PPP2R2B: variants seen among roughly 807,000 people sequenced by gnomAD.
PPP2R2B encodes protein phosphatase 2 regulatory subunit Bbeta, also known as serine/threonine-protein phosphatase 2A 55 kDa regulatory subunit B beta isoform.
In PPP2R2B, 5 loss-of-function variants were observed where a neutral mutation model predicts 46.0. The ratio of observed to expected loss-of-function variants is 0.11; its 90% CI spans 0.06 to 0.23. The LOEUF is 0.23. PPP2R2B is among the 10% of genes least tolerant of loss of function. PPP2R2B has a pLI of 1.00. For synonymous variants in PPP2R2B, 215 were observed against 206.7 expected (o/e 1.04, Z -0.34); for missense variants, 367 against 575.0 (o/e 0.64, Z 3.70).
At chr5:146,904,125 C>T (rs1273649856) in intron 1 of PPP2R2B, among the ~76,000 whole-genome samples, 1 of 152,126 alleles carries the variant, frequency 6.6e-6, no homozygotes, top group African/African-American at 2.4e-5. Context: ...CACTCTCTCT[C>T]TCACTCCTAT....
chr5:146,722,447 G>A (rs950832297), intron 2 of PPP2R2B, among the ~76,000 whole-genome samples: 2 of 152,150 alleles, frequency 1.3e-5, no homozygotes, highest in African/African-American at 4.8e-5. Context: ...TGAGTGTTGA[G>A]AACTCAATAG....
intron 1 of PPP2R2B, among the ~76,000 whole-genome samples, chr5:146,986,183 G>A (rs550120653): frequency 6.6e-6 from 1 of 152,304 alleles, no homozygotes; most frequent in South Asian, 2.1e-4. Flanking sequence ...GGGCAGTACA[G>A]CACAGTGCAG....
intron 1 of PPP2R2B, among the ~76,000 whole-genome samples, chr5:146,937,686 C>G (rs149247090): frequency 6.6e-6 from 1 of 152,018 alleles, no homozygotes; most frequent in Admixed American, 6.6e-5. Context: ...TACACCTTCA[C>G]GGAGGCTTAG....
chr5:147,057,491 C>G (rs564050594), upstream of PPP2R2B, among the ~76,000 whole-genome samples: 10 of 152,166 alleles, frequency 6.6e-5, no homozygotes, highest in Non-Finnish European at 1.3e-4. Context: ...CTGACCCTGA[C>G]AGTTTGTATC....
intron 1 of PPP2R2B, among the ~76,000 whole-genome samples, chr5:146,916,919 T>C (rs1314043377): frequency 3.3e-5 from 5 of 152,158 alleles, no homozygotes; most frequent in African/African-American, 4.8e-5. Flanking sequence ...AACATCTTAA[T>C]CATGAATTTG....
intron 1 of PPP2R2B, among the ~76,000 whole-genome samples, chr5:147,049,603 C>T (rs1158359973): frequency 1.3e-5 from 2 of 152,104 alleles, no homozygotes; most frequent in African/African-American, 2.4e-5. Context: ...TCAATATTTA[C>T]AGTTTAGGAA....
chr5:146,680,135 G>T (rs1778048178), intron 5 of PPP2R2B, among the ~76,000 whole-genome samples: 2 of 151,342 alleles, frequency 1.3e-5, no homozygotes, highest in East Asian at 3.9e-4. Flanking sequence ...GCAAAGACTT[G>T]GAACCAACCC....
chr5:146,591,959 A>G (rs770640768), intron 9 of PPP2R2B: 13 of 266,674 alleles, frequency 4.9e-5, no homozygotes, highest in Non-Finnish European at 9.3e-5. Flanking sequence ...GTGCCTAATA[A>G]GTGTAATTTT....
intron 2 of PPP2R2B, 134 bp downstream of exon 2, chr5:146,877,868 G>T: frequency 9.4e-7 from 1 of 1,062,950 alleles, no homozygotes; most frequent in Non-Finnish European, 1.3e-6. Context: ...GGGCTGCCGG[G>T]GCCAGCCGAG....
intron 1 of PPP2R2B, among the ~76,000 whole-genome samples, chr5:146,909,902 C>T (rs1419570301): frequency 6.6e-6 from 1 of 152,216 alleles, no homozygotes; most frequent in Non-Finnish European, 1.5e-5. Flanking sequence ...AAGGACTACC[C>T]CTATGGCTAA....
chr5:146,777,100 T>C (rs943372681), intron 2 of PPP2R2B, among the ~76,000 whole-genome samples: 1 of 152,096 alleles, frequency 6.6e-6, no homozygotes, highest in African/African-American at 2.4e-5. Flanking sequence ...AGTTAGGATA[T>C]GGCCCAGCAA....
At chr5:147,048,871 T>A (rs531938202) in intron 1 of PPP2R2B, among the ~76,000 whole-genome samples, 1 of 152,304 alleles carries the variant, frequency 6.6e-6, no homozygotes, top group African/African-American at 2.4e-5. Context: ...TGGGAGAAAC[T>A]GTTCTGCCTA....
At chr5:146,707,361 G>A (rs1449738667) in intron 2 of PPP2R2B, 9 of 825,788 alleles carry the variant, frequency 1.1e-5, no homozygotes, top group Non-Finnish European at 1.9e-5. Context: ...ACACAGCATG[G>A]ATGTTGGGGT....
intron 1 of PPP2R2B, among the ~76,000 whole-genome samples, chr5:146,911,697 C>A (rs760213763): frequency 7.9e-5 from 12 of 152,160 alleles, no homozygotes; most frequent in Non-Finnish European, 1.6e-4. Context: ...CATAGTGAAC[C>A]CAAATACCTC....
chr5:146,589,598 A>G lies in PPP2R2B; in HGVS notation c.*349T>C, dbSNP rs1770395324. 1 of 198,064 alleles carries G rather than the reference A, an allele frequency of 5.0e-6. No homozygotes were observed. Among genetic ancestry groups the G allele is most frequent in the African/African-American group, 2.3e-5 (1 of 43,074 alleles). The allele number at this position is 198,064 out of a possible 1,614,324, so 12.3% of individuals were successfully genotyped here. ...AAAAACTTATCTCTTTTCTCCTTAAATACTACAGACAACCTCATTTTATCG... is the reference window on the plus strand; with the variant it reads ...AAAAACTTATCTCTTTTCTCCTTAAGTACTACAGACAACCTCATTTTATCG... On this transcript the variant is annotated 3_prime_UTR_variant, in exon 10 of 10. Coordinates refer to ENST00000394411, the MANE Select transcript of PPP2R2B (RefSeq NM_181675.4).
At chr5:146,654,818 A>G (rs1309254200) in intron 5 of PPP2R2B, among the ~76,000 whole-genome samples, 1 of 152,164 alleles carries the variant, frequency 6.6e-6, no homozygotes, top group Admixed American at 6.5e-5. Flanking sequence ...TTCCTGTCCC[A>G]GACTTCTGCT....
intron 1 of PPP2R2B, among the ~76,000 whole-genome samples, chr5:146,942,120 AT>A (rs1764341181): frequency 6.6e-6 from 1 of 152,108 alleles, no homozygotes; most frequent in African/African-American, 2.4e-5. Context: ...TTTTAACTTG[AT>A]TTTTCAGATT....
chr5:147,037,603 A>G (rs1756103887), intron 1 of PPP2R2B, among the ~76,000 whole-genome samples: 1 of 152,054 alleles, frequency 6.6e-6, no homozygotes, highest in African/African-American at 2.4e-5. Context: ...TGAGTGAGCA[A>G]GAAACTTTTG....
At chr5:146,762,621 C>A (rs1418920632) in intron 2 of PPP2R2B, among the ~76,000 whole-genome samples, 30 of 152,188 alleles carry the variant, frequency 2.0e-4, no homozygotes, top group Admixed American at 2.0e-3. Context: ...CCATTCTATT[C>A]ATCTCCATAT....
Sources: gnomAD v4.1 joint callset for allele counts (sites outside exome capture counted in the v4.1 genomes callset) on GRCh38, gnomAD v4.1.1 for gene constraint, MANE v1.5 for transcripts, NCBI Gene and HGNC (gene_info 2026-07-23, HGNC 2026-07-21) for gene names.